The following NFATC2 variants were observed in gnomAD, a reference collection of about 807,000 sequenced individuals.
The protein encoded by NFATC2 is nuclear factor of activated T cells 2.
Under a neutral mutation model 87.3 loss-of-function variants are expected in NFATC2, and 22 were observed. The observed-to-expected ratio is 0.25, with a 90% CI of 0.18 to 0.36. The LOEUF is 0.36. NFATC2 is among the 10% of genes least tolerant of loss of function. The pLI is 1.00. For synonymous variants in NFATC2, 565 were observed against 542.2 expected (o/e 1.04, Z -0.58); for missense variants, 1,149 against 1,259.1 (o/e 0.91, Z 1.32).
intron 6 of NFATC2, among the ~76,000 whole-genome samples, chr20:51,446,634 G>T (rs1030257949): frequency 1.3e-5 from 2 of 152,238 alleles, no homozygotes; most frequent in African/African-American, 4.8e-5. Flanking sequence ...GGAATGAACT[G>T]CAGGATTCTT....
At chr20:51,561,461 AAG>A (rs1287860630) in intron 1 of NFATC2, among the ~76,000 whole-genome samples, 11 of 130,694 alleles carry the variant, frequency 8.4e-5, no homozygotes, top group Non-Finnish European at 3.3e-5. Context: ...GAAAGAAAGA[AAG>A]AAAGAAAGAA....
At chr20:51,548,924 C>T (rs2076910625) in intron 1 of NFATC2, among the ~76,000 whole-genome samples, 1 of 152,184 alleles carries the variant, frequency 6.6e-6, no homozygotes, top group Non-Finnish European at 1.5e-5. Flanking sequence ...GTTCCAATAC[C>T]TGTAATTATT....
intron 5 of NFATC2, among the ~76,000 whole-genome samples, chr20:51,455,185 A>G: frequency 6.6e-6 from 1 of 152,188 alleles, no homozygotes; most frequent in East Asian, 1.9e-4. Context: ...TTTGGAATTC[A>G]TTTATGATCT....
At chr20:51,439,329 C>A (rs1023698797) in intron 6 of NFATC2, among the ~76,000 whole-genome samples, 7 of 152,204 alleles carry the variant, frequency 4.6e-5, no homozygotes, top group African/African-American at 1.7e-4. Context: ...GGGGAGGACA[C>A]CAGGCACAGA....
chr20:51,516,998 A>C (rs772952139), intron 2 of NFATC2, 43 bp from the exon 3 acceptor site: 5 of 1,567,318 alleles, frequency 3.2e-6, no homozygotes, highest in Non-Finnish European at 8.7e-7. Flanking sequence ...AATAAACCAA[A>C]ATTAGTCAAC....
At chr20:51,422,158 A>G (rs1981019782) in intron 9 of NFATC2, among the ~76,000 whole-genome samples, 1 of 152,186 alleles carries the variant, frequency 6.6e-6, no homozygotes, top group Admixed American at 6.5e-5. Flanking sequence ...ACAGCCTGGG[A>G]CTTAAGTCCA....
At chr20:51,561,007 C>A (rs1568764601) in intron 1 of NFATC2, among the ~76,000 whole-genome samples, 1 of 152,090 alleles carries the variant, frequency 6.6e-6, no homozygotes, top group South Asian at 2.1e-4. Context: ...TGACCTCCAC[C>A]CCCACCACGA....
chr20:51,510,633 T>A (rs2076258480), intron 3 of NFATC2, among the ~76,000 whole-genome samples: 1 of 152,220 alleles, frequency 6.6e-6, no homozygotes, highest in African/African-American at 2.4e-5. Context: ...ATTTGTTTGT[T>A]TTTTTAGAGA....
intron 1 of NFATC2, among the ~76,000 whole-genome samples, chr20:51,560,559 G>C (rs1308345993): frequency 6.6e-6 from 1 of 152,082 alleles, no homozygotes; most frequent in Non-Finnish European, 1.5e-5. Context: ...TGGGATATTG[G>C]GCTTTCCCTC....
chr20:51,391,055 T>C lies in NFATC2; in HGVS notation c.*441A>G. The C allele has an allele frequency of 1.4e-5, 6 of 432,008 alleles. No homozygotes were observed. The highest frequency in any genetic ancestry group is 5.3e-5 in the East Asian group (1 of 18,956). 26.8% of individuals were successfully genotyped at this position (432,008 alleles called of 1,614,324 possible). On this transcript the variant is annotated 3_prime_UTR_variant, in exon 11 of 11. Coordinates refer to ENST00000371564, the MANE Select transcript of NFATC2 (RefSeq NM_012340.5). Reference sequence around the variant, plus strand: ...GCCCACATCTTCTGTCCCCCGTCCATCCCCCCAAGCTCCAGTCACTCTGTT... The same window carrying C: ...GCCCACATCTTCTGTCCCCCGTCCACCCCCCCAAGCTCCAGTCACTCTGTT...
chr20:51,502,358 C>T (rs2076102497), intron 3 of NFATC2, among the ~76,000 whole-genome samples: 1 of 151,770 alleles, frequency 6.6e-6, no homozygotes, highest in Non-Finnish European at 1.5e-5. Context: ...CAGGATCTCA[C>T]TCTGTTGCCC....
chr20:51,458,010 C>T (rs940198344), intron 5 of NFATC2, among the ~76,000 whole-genome samples: 1 of 151,976 alleles, frequency 6.6e-6, no homozygotes, highest in Non-Finnish European at 1.5e-5. Flanking sequence ...CTCAGCCTCC[C>T]GAGTAGCTGG....
At chr20:51,426,983 A>ACT in intron 9 of NFATC2, among the ~76,000 whole-genome samples, 1 of 151,828 alleles carries the variant, frequency 6.6e-6, no homozygotes, top group South Asian at 2.1e-4. Context: ...ACATCAATAT[A>ACT]CTCTCTCTCA....
chr20:51,500,125 CTT>C (rs2076054084), intron 3 of NFATC2, among the ~76,000 whole-genome samples: 1 of 152,088 alleles, frequency 6.6e-6, no homozygotes, highest in South Asian at 2.1e-4. Flanking sequence ...AATGAGACAA[CTT>C]TAGTTTAGCA....
rs1986146925 is a variant in NFATC2 at position 51,389,962 on chromosome 20, A to C, written c.*1534T>G. ...ATTGAGGAAACAACTGAATGGCTGA[A>C]AAATGAATCCCCCGCTTGTCCTGGG... On this transcript the variant is annotated 3_prime_UTR_variant, in exon 11 of 11. Transcript: ENST00000371564. The C allele has an allele frequency of 6.6e-6, 1 of 152,218 alleles. No homozygotes were observed. Among genetic ancestry groups the C allele is most frequent in the African/African-American group, 2.4e-5 (1 of 41,434 alleles). The allele number at this position is 152,218 out of a possible 1,614,324, so 9.4% of individuals were successfully genotyped here.
intron 8 of NFATC2, among the ~76,000 whole-genome samples, chr20:51,434,753 C>T (rs1259474911): frequency 6.6e-6 from 1 of 152,180 alleles, no homozygotes; most frequent in Non-Finnish European, 1.5e-5. Context: ...GGTTATCCAC[C>T]AGTCACTCCA....
intron 9 of NFATC2, among the ~76,000 whole-genome samples, chr20:51,428,576 C>T (rs1028104954): frequency 2.6e-5 from 4 of 152,236 alleles, no homozygotes; most frequent in East Asian, 1.9e-4. Context: ...CATGAGGGAG[C>T]GGGGTGGAAT....
chr20:51,458,344 ACC>A (rs1448009454), intron 5 of NFATC2, among the ~76,000 whole-genome samples: 1 of 151,748 alleles, frequency 6.6e-6, no homozygotes, highest in Non-Finnish European at 1.5e-5. Context: ...GGAGCACCCT[ACC>A]CCCCAGCTGT....
intron 3 of NFATC2, among the ~76,000 whole-genome samples, chr20:51,503,568 G>T (rs1356686253): frequency 6.6e-6 from 1 of 152,174 alleles, no homozygotes; most frequent in Non-Finnish European, 1.5e-5. Context: ...AGGCCACTAG[G>T]CTCCCCAGGT....
Sources: allele counts gnomAD v4.1 joint callset (sites outside exome capture counted in the v4.1 genomes callset), GRCh38; gene constraint gnomAD v4.1.1; transcripts MANE v1.5; gene names NCBI Gene and HGNC (gene_info 2026-07-23, HGNC 2026-07-21).